The following ARSG variants were observed in gnomAD, a reference collection of about 807,000 sequenced individuals.
ARSG encodes the protein arylsulfatase G.
A neutral mutation model predicts 50.5 loss-of-function variants in ARSG; 37 were observed. The ratio of observed to expected loss-of-function variants is 0.73; its 90% CI spans 0.56 to 0.96. The LOEUF (loss-of-function observed/expected upper bound fraction) is 0.96. Among genes scored for constraint, ARSG ranks in the 50% least tolerant of loss-of-function variants. The pLI, the probability that ARSG is intolerant of heterozygous loss-of-function variation, is 0.00. For missense variants in ARSG, 629 were observed against 675.3 expected (o/e 0.93, Z 0.76); for synonymous variants, 225 against 254.6 (o/e 0.88, Z 1.11).
At chr17:68,430,364 A>G in the ARSG span, among the ~76,000 whole-genome samples, 6,333 of 152,304 alleles carry the variant, frequency 0.042, 252 homozygotes, top group South Asian at 0.2. Context: ...TTTGTTCTTC[A>G]GAAGAGCCAT....
At position 68,346,597 on chromosome 17, in the gene ARSG, G is replaced by GGTGTCT. The variant is rs2146299353; in HGVS notation, c.407-527_407-526insTGTCTG. 4 of 568,450 alleles carry GGTGTCT rather than the reference G, an allele frequency of 7.0e-6. No individual in the cohort carries two copies. The South Asian group carries it at 7.9e-5, about 11-fold the overall frequency. 35.2% of individuals were successfully genotyped at this position (568,450 alleles called of 1,614,324 possible). On this transcript the variant is annotated intron_variant, in intron 3 of 11. Transcript: ENST00000621439. ...CAGACTGAGCGCATTTGCAGACCGA[G>GGTGTCT]GAGCAGCAGGGTGTCTGAGTTTCCT...
At chr17:68,352,104 AGAGAGAGAGACAGAG>A (rs1363979988) in intron 5 of ARSG, among the ~76,000 whole-genome samples, 1 of 130,752 alleles carries the variant, frequency 7.6e-6, no homozygotes, top group Non-Finnish European at 1.7e-5. Context: ...AGAGAGAGAG[AGAGAGAGAGACAGAG>A]GAGAGAGAGA....
At chr17:68,411,491 G>C (rs2081992521) in intron 11 of ARSG, among the ~76,000 whole-genome samples, 2 of 152,090 alleles carry the variant, frequency 1.3e-5, no homozygotes, top group African/African-American at 2.4e-5. Flanking sequence ...CTGAGAGATA[G>C]TTTGTTATAA....
intron 11 of ARSG, among the ~76,000 whole-genome samples, chr17:68,414,719 T>C (rs939914930): frequency 6.6e-6 from 1 of 152,212 alleles, no homozygotes; most frequent in Non-Finnish European, 1.5e-5. Flanking sequence ...CTGCTTGTTA[T>C]TGGTTTGTTC....
At chr17:68,332,698 A>G (rs1462073485) in intron 2 of ARSG, among the ~76,000 whole-genome samples, 1 of 152,188 alleles carries the variant, frequency 6.6e-6, no homozygotes, top group East Asian at 1.9e-4. Flanking sequence ...TAATTTGGAG[A>G]ACTTAATAAA....
At chr17:68,266,301 A>G (rs1882233657) in intron 1 of ARSG, among the ~76,000 whole-genome samples, 1 of 150,796 alleles carries the variant, frequency 6.6e-6, no homozygotes. Flanking sequence ...GTCTTTTTCT[A>G]AGGTGCTTTA....
intron 6 of ARSG, among the ~76,000 whole-genome samples, chr17:68,362,773 T>A (rs1225077955): frequency 6.6e-6 from 1 of 152,222 alleles, no homozygotes; most frequent in Admixed American, 6.5e-5. Flanking sequence ...AGATTTGGGA[T>A]GCGCTGCCTA....
chr17:68,369,567 C>T (rs185304213), intron 7 of ARSG, among the ~76,000 whole-genome samples: 44 of 151,948 alleles, frequency 2.9e-4, no homozygotes, highest in Admixed American at 1.6e-3. Context: ...GCTTTCGGGT[C>T]AAGTAGAGAC....
chr17:68,280,745 A>G (rs1248347311), intron 1 of ARSG, among the ~76,000 whole-genome samples: 2 of 152,232 alleles, frequency 1.3e-5, no homozygotes. Flanking sequence ...TTTTATGGAT[A>G]AGACTGGAAG....
At chr17:68,366,677 A>ATGTGTGTGTG (rs3072873) in intron 6 of ARSG, among the ~76,000 whole-genome samples, 178 of 148,358 alleles carry the variant, frequency 1.2e-3, no homozygotes, top group African/African-American at 4.2e-3. Flanking sequence ...GAATTTATGT[A>ATGTGTGTGTG]TGTGTGTGTG....
intron 2 of ARSG, among the ~76,000 whole-genome samples, chr17:68,324,554 T>C (rs961062119): frequency 7.9e-5 from 12 of 152,210 alleles, no homozygotes; most frequent in African/African-American, 2.9e-4. Flanking sequence ...ATTCTGGCTT[T>C]GCCATTTCCT....
intron 9 of ARSG, among the ~76,000 whole-genome samples, chr17:68,388,944 A>AAAAAAAAAAAAAAAT (rs1491203982): frequency 6.8e-6 from 1 of 146,148 alleles, no homozygotes; most frequent in African/African-American, 2.7e-5. Context: ...AAAAAAAAAA[A>AAAAAAAAAAAAAAAT]AGAAAAACAG....
At chr17:68,332,997 T>G (rs1231505310) in intron 2 of ARSG, among the ~76,000 whole-genome samples, 1 of 152,214 alleles carries the variant, frequency 6.6e-6, no homozygotes, top group Non-Finnish European at 1.5e-5. Context: ...TAGTAAGTGT[T>G]GCATAAATGT....
intron 11 of ARSG, among the ~76,000 whole-genome samples, chr17:68,419,874 C>A (rs915021765): frequency 1.3e-5 from 2 of 151,862 alleles, no homozygotes; most frequent in African/African-American, 4.8e-5. Flanking sequence ...GGGAGGATCA[C>A]TTGAGCCCAA....
At chr17:68,312,946 C>T (rs782221886) in intron 2 of ARSG, among the ~76,000 whole-genome samples, 2 of 152,124 alleles carry the variant, frequency 1.3e-5, no homozygotes, top group Non-Finnish European at 2.9e-5. Context: ...ACAAATTACT[C>T]CAAACTGGAC....
chr17:68,434,771 T>G, the ARSG span: 1 of 746,556 alleles, frequency 1.3e-6, no homozygotes, highest in Non-Finnish European at 2.2e-6. Context: ...GCATGTTTAT[T>G]TATGTGCCAT....
chr17:68,370,611 A>G (rs2079791212), intron 8 of ARSG, 87 bp downstream of exon 8: 1 of 1,214,184 alleles, frequency 8.2e-7, no homozygotes, highest in African/African-American at 1.5e-5. Context: ...GTGGGGGACA[A>G]CTTATATCTG....
intron 1 of ARSG, chr17:68,272,589 A>G: frequency 1.3e-6 from 2 of 1,596,540 alleles, no homozygotes; most frequent in South Asian, 2.2e-5. Flanking sequence ...AGAATACCTG[A>G]GTGACGTCTC....
At chr17:68,357,098 C>T (rs143657520) in intron 6 of ARSG, among the ~76,000 whole-genome samples, 65 of 152,300 alleles carry the variant, frequency 4.3e-4, no homozygotes, top group African/African-American at 1.2e-3. Context: ...TTCTAGGGTA[C>T]GAGCTCCTCA....
Sources: gnomAD v4.1 joint callset for allele counts (sites outside exome capture counted in the v4.1 genomes callset) on GRCh38, gnomAD v4.1.1 for gene constraint, MANE v1.5 for transcripts, NCBI Gene and HGNC (gene_info 2026-07-23, HGNC 2026-07-21) for gene names.